TACC2: variants seen among roughly 807,000 people sequenced by gnomAD.
TACC2 encodes the protein transforming acidic coiled-coil-containing protein 2.
A neutral mutation model predicts 227.3 loss-of-function variants in TACC2; 137 were observed. That is an observed-to-expected ratio of 0.60 (90% CI 0.52 to 0.69). TACC2 has a LOEUF of 0.69. Among genes scored for constraint, TACC2 ranks in the 30% least tolerant of loss-of-function variants. The pLI is 0.00. For synonymous variants in TACC2, 1,523 were observed against 1,487.5 expected, an observed-to-expected ratio of 1.02 and a Z score of -0.55; for missense variants, 3,470 against 3,694.4, an observed-to-expected ratio of 0.94 and a Z score of 1.57.
intron 7 of TACC2, among the ~76,000 whole-genome samples, chr10:122,170,848 A>G (rs935312773): frequency 6.6e-6 from 1 of 152,020 alleles, no homozygotes; most frequent in Non-Finnish European, 1.5e-5. Flanking sequence ...AGCCTCAGAG[A>G]CTTAGCACAC....
At chr10:122,058,428 G>C (rs1190284076) in intron 3 of TACC2, among the ~76,000 whole-genome samples, 1 of 152,102 alleles carries the variant, frequency 6.6e-6, no homozygotes, top group Non-Finnish European at 1.5e-5. Flanking sequence ...TATTTATTTA[G>C]AGACGGAGTC....
intron 3 of TACC2, among the ~76,000 whole-genome samples, chr10:122,059,078 G>T (rs200215267): frequency 0.53 from 67,698 of 127,270 alleles, 19,778 homozygotes; most frequent in Non-Finnish European, 0.63. Flanking sequence ...TGTTGTTGTT[G>T]TTGTTGTTGT....
In TACC2 at chr10:122,141,985, A is replaced by G. The variant is rs2090637720; in HGVS notation, c.5700-1587A>G. On this transcript the variant is annotated intron_variant, in intron 6 of 22. Transcript: ENST00000369005. This position sits in a 1 kb window ranked among gnomAD's most constrained non-coding sequence, Gnocchi z 4.3. ...TTAAATGCCTCTGGTAGTTTGCATT[A>G]TTCATTTTGAGTCATTCTTTTACAA... is the stretch of plus-strand genomic sequence containing the variant. 6.6e-6 allele frequency among the ~76,000 whole-genome samples: 1 copy of G among 152,230 alleles called. No individual in the cohort carries two copies. The highest frequency in any genetic ancestry group is 1.5e-5 in the Non-Finnish European group (1 of 68,034).
chr10:122,145,489 G>C (rs983507903), intron 7 of TACC2, among the ~76,000 whole-genome samples: 3 of 152,178 alleles, frequency 2.0e-5, no homozygotes, highest in Admixed American at 6.5e-5. Flanking sequence ...ATGGAAAACA[G>C]ATCAGTGGGC....
intron 3 of TACC2, among the ~76,000 whole-genome samples, chr10:122,058,609 A>G (rs566213995): frequency 2.0e-5 from 3 of 152,254 alleles, no homozygotes; most frequent in Non-Finnish European, 4.4e-5. Flanking sequence ...GGGTTTCACC[A>G]TGTTGGCCAG....
intron 7 of TACC2, among the ~76,000 whole-genome samples, chr10:122,178,757 T>C (rs1833520679): frequency 6.6e-6 from 1 of 152,138 alleles, no homozygotes; most frequent in South Asian, 2.1e-4. Flanking sequence ...GTTGTGCGCC[T>C]GTAGTCCCAG....
At chr10:122,051,287 G>A (rs1415332715) in intron 3 of TACC2, 1 of 152,258 alleles carries the variant, frequency 6.6e-6, no homozygotes, top group African/African-American at 2.4e-5. Context: ...CCTGACCTCA[G>A]GTGATCCACC....
intron 5 of TACC2, among the ~76,000 whole-genome samples, chr10:122,111,656 A>ATTTTTTTT (rs370548871): frequency 6.8e-6 from 1 of 147,526 alleles, no homozygotes; most frequent in Non-Finnish European, 1.5e-5. Flanking sequence ...ATGCCCAGCT[A>ATTTTTTTT]TTTTTTTTTT....
chr10:122,251,357 A>G (rs954479881), intron 22 of TACC2, among the ~76,000 whole-genome samples: 2 of 152,216 alleles, frequency 1.3e-5, no homozygotes, highest in African/African-American at 4.8e-5. Context: ...TGTTCTTAGC[A>G]GTATCCTCAG....
chr10:122,244,976 T>C (rs1187646711), intron 19 of TACC2: 1 of 152,222 alleles, frequency 6.6e-6, no homozygotes, highest in Non-Finnish European at 1.5e-5. Context: ...TTGCAATTGA[T>C]TTTTTTCTGC....
chr10:122,097,344 G>A (rs1454692440), intron 5 of TACC2, among the ~76,000 whole-genome samples: 1 of 151,854 alleles, frequency 6.6e-6, no homozygotes, highest in Non-Finnish European at 1.5e-5. Context: ...TCAAAGAAAA[G>A]GAGGAAGAAG....
intron 12 of TACC2, 130 bp from the exon 13 acceptor site, chr10:122,226,236 G>A (rs548504394): frequency 1.2e-5 from 8 of 646,446 alleles, no homozygotes; most frequent in Admixed American, 1.0e-4. Flanking sequence ...TCTTCCTGGT[G>A]GCTCCAGAAC....
intron 5 of TACC2, among the ~76,000 whole-genome samples, chr10:122,127,578 C>G (rs541769968): frequency 6.6e-6 from 1 of 152,308 alleles, no homozygotes; most frequent in Admixed American, 6.5e-5. Flanking sequence ...GTGGCAGCAG[C>G]TGGTGGTTGA....
chr10:122,241,677 C>T (rs549054411), intron 18 of TACC2: 1 of 501,158 alleles, frequency 2.0e-6, no homozygotes, highest in Admixed American at 3.2e-5. Context: ...ATCCACCAGC[C>T]TCAGCCTTCT....
At chr10:122,134,365 A>G (rs2089080137) in intron 6 of TACC2, among the ~76,000 whole-genome samples, 1 of 150,950 alleles carries the variant, frequency 6.6e-6, no homozygotes. Context: ...TTTAGTAGAG[A>G]TGGGATTTTG....
chr10:122,074,813 C>T (rs955801572), intron 3 of TACC2, among the ~76,000 whole-genome samples: 1 of 152,100 alleles, frequency 6.6e-6, no homozygotes, highest in Non-Finnish European at 1.5e-5. Context: ...ACGTGGTCCC[C>T]GAATTAACTG....
Position 122,205,934 on chromosome 10 carries a change from C to G in TACC2, c.5972-4463C>G, listed in dbSNP as rs1310183679. On this transcript the variant is annotated intron_variant, in intron 8 of 22. Coordinates refer to ENST00000369005, the MANE Select transcript of TACC2 (RefSeq NM_206862.4). The surrounding 1 kb of genome is among the most constrained non-coding windows in gnomAD (Gnocchi z 4.5). The stretch of plus-strand genomic sequence containing the variant: ...AATAAATATTACTAACTGAAGATTA[C>G]TATTTGTGTACTTAGAAGATACAAA... Among the ~76,000 whole-genome samples the G allele has an allele frequency of 2.0e-5, 3 of 152,226 alleles. No individual in the cohort carries two copies. The highest frequency in any genetic ancestry group is 7.2e-5 in the African/African-American group (3 of 41,466).
intron 1 of TACC2, among the ~76,000 whole-genome samples, chr10:122,002,170 C>T (rs999947597): frequency 6.6e-6 from 1 of 152,174 alleles, no homozygotes; most frequent in African/African-American, 2.4e-5. Context: ...GGGACCATTT[C>T]TCTCAAGTAT....
chr10:122,136,400 C>T (rs189218558), intron 6 of TACC2, among the ~76,000 whole-genome samples: 11 of 151,868 alleles, frequency 7.2e-5, no homozygotes, highest in East Asian at 5.8e-4. Flanking sequence ...GGGTGGGATG[C>T]GGAAGGAGGG....
Sources: gnomAD v4.1 joint callset for allele counts (sites outside exome capture counted in the v4.1 genomes callset) on GRCh38, gnomAD v4.1.1 for gene constraint, Gnocchi (gnomAD v3.1) non-coding constraint, MANE v1.5 for transcripts, NCBI Gene and HGNC (gene_info 2026-07-23, HGNC 2026-07-21) for gene names.